Variants in RHBDD1 observed in about 807,000 individuals in gnomAD.
RHBDD1 encodes the protein rhomboid-related protein 4.
RHBDD1 carries 38 observed loss-of-function variants against 36.3 expected under a neutral mutation model. The ratio of observed to expected loss-of-function variants is 1.05; its 90% confidence interval spans 0.81 to 1.37. The LOEUF (loss-of-function observed/expected upper bound fraction) is 1.37. Among genes scored for constraint, RHBDD1 ranks in the 40% most tolerant of loss-of-function variants. The pLI, the probability that RHBDD1 is intolerant of heterozygous loss-of-function variation, is 0.00. For missense variants in RHBDD1, 393 were observed against 377.6 expected, an observed-to-expected ratio of 1.04 and a Z score of -0.34; for synonymous variants, 151 against 136.5, an observed-to-expected ratio of 1.11 and a Z score of -0.74.
rs959353490 is a variant in RHBDD1, at chr2:226,872,835, T to G, written c.566+5517T>G. On this transcript the variant is annotated intron_variant, in intron 5 of 8. Transcript: ENST00000392062. ...GATGTGATTTGCATATAATTTTGTT[T>G]GAGAATTATAAACACAGGAATTCTG... Among the ~76,000 whole-genome samples, 5 of 152,352 alleles carry G rather than the reference T, an allele frequency of 3.3e-5. 1 individual carries two copies. The highest frequency in any genetic ancestry group is 1.2e-4 in the African/African-American group (5 of 41,590).
At chr2:226,861,905 A>G (rs1310519339) in intron 3 of RHBDD1, among the ~76,000 whole-genome samples, 3 of 152,242 alleles carry the variant, frequency 2.0e-5, no homozygotes, top group South Asian at 2.1e-4. Flanking sequence ...GTTCATAAGA[A>G]TGCTACAGAG....
chr2:226,980,070 G>A (rs1357232202), intron 8 of RHBDD1, among the ~76,000 whole-genome samples: 1 of 152,146 alleles, frequency 6.6e-6, no homozygotes, highest in Non-Finnish European at 1.5e-5. Context: ...TTCTGAGAAG[G>A]GCAGCCTGGA....
At chr2:226,801,042 A>C in the RHBDD1 span, among the ~76,000 whole-genome samples, 4 of 152,158 alleles carry the variant, frequency 2.6e-5, no homozygotes, top group Non-Finnish European at 5.9e-5. Context: ...ACCCACAGAG[A>C]TGTCACTCGG....
At chr2:226,921,918 T>G (rs544719517) in intron 8 of RHBDD1, among the ~76,000 whole-genome samples, 2 of 152,304 alleles carry the variant, frequency 1.3e-5, no homozygotes, top group East Asian at 3.9e-4. Flanking sequence ...ACTTTTCCAT[T>G]GCTAAAACTG....
At chr2:226,832,984 A>G (rs972886213), upstream of RHBDD1, among the ~76,000 whole-genome samples, 2 of 152,160 alleles carry the variant, frequency 1.3e-5, no homozygotes, top group Non-Finnish European at 2.9e-5. Context: ...GCACTTCAAA[A>G]AAAAGAAAAA....
intron 8 of RHBDD1, among the ~76,000 whole-genome samples, chr2:226,949,031 G>T (rs894821359): frequency 2.0e-5 from 3 of 152,116 alleles, no homozygotes; most frequent in African/African-American, 7.2e-5. Flanking sequence ...ATTCACAATT[G>T]CTACAAAGAG....
intron 5 of RHBDD1, among the ~76,000 whole-genome samples, chr2:226,878,187 G>C (rs73085815): frequency 6.6e-6 from 1 of 152,084 alleles, no homozygotes; most frequent in Non-Finnish European, 1.5e-5. Context: ...AGCTTCCAAG[G>C]GAGCTTCATG....
In RHBDD1 at chr2:226,998,517, T is replaced by A. The variant is rs1005569781; in HGVS notation, c.*2995T>A. 1.3e-5 allele frequency: 2 copies of A among 152,162 alleles called. No individual in the cohort carries two copies. Among genetic ancestry groups the A allele is most frequent in the Non-Finnish European group, 2.9e-5 (2 of 68,018 alleles). The allele number at this position is 152,162 out of a possible 1,614,324, so 9.4% of individuals were successfully genotyped here. Reference sequence around the variant, plus strand: ...GAATAGCATTCAATTAGTCAAAAAATATATATATAACTTCTTCCTTTCCCT... The same window carrying A: ...GAATAGCATTCAATTAGTCAAAAAAAATATATATAACTTCTTCCTTTCCCT... On this transcript the variant is annotated 3_prime_UTR_variant, in exon 9 of 9. Transcript: ENST00000392062.
At chr2:226,898,750 G>A (rs1947338835) in intron 5 of RHBDD1, among the ~76,000 whole-genome samples, 2 of 152,260 alleles carry the variant, frequency 1.3e-5, no homozygotes, top group Admixed American at 1.3e-4. Context: ...CTAGTACTGC[G>A]AATCTGGGAC....
At chr2:226,957,996 G>A (rs1218172110) in intron 8 of RHBDD1, among the ~76,000 whole-genome samples, 2 of 152,146 alleles carry the variant, frequency 1.3e-5, no homozygotes, top group African/African-American at 4.8e-5. Context: ...CAGTTCCTCA[G>A]AAGGTTAAAC....
intron 5 of RHBDD1, 65 bp downstream of exon 5, chr2:226,867,383 A>G: frequency 1.3e-6 from 2 of 1,518,682 alleles, no homozygotes; most frequent in East Asian, 4.6e-5. Flanking sequence ...AAAAATTGCA[A>G]TAATAATGAG....
At chr2:226,989,418 A>G (rs1957689921) in intron 8 of RHBDD1, among the ~76,000 whole-genome samples, 1 of 152,222 alleles carries the variant, frequency 6.6e-6, no homozygotes, top group African/African-American at 2.4e-5. Flanking sequence ...GTGGTGGCTT[A>G]TAAGTGCAGG....
intron 5 of RHBDD1, among the ~76,000 whole-genome samples, chr2:226,904,614 T>C (rs1029506138): frequency 2.0e-5 from 3 of 152,206 alleles, no homozygotes; most frequent in Non-Finnish European, 4.4e-5. Context: ...AGTCAGCTAA[T>C]GGGAACAAGC....
intron 5 of RHBDD1, among the ~76,000 whole-genome samples, chr2:226,892,849 A>T (rs1438182320): frequency 6.6e-6 from 1 of 152,194 alleles, no homozygotes; most frequent in African/African-American, 2.4e-5. Context: ...TAAACAGAAA[A>T]AAAAACCAAT....
intron 8 of RHBDD1, among the ~76,000 whole-genome samples, chr2:226,924,516 G>A (rs556365381): frequency 1.3e-4 from 20 of 152,290 alleles, no homozygotes; most frequent in African/African-American, 4.6e-4. Context: ...TGGCTGTCCC[G>A]GCTGATGTCT....
chr2:226,855,188 A>G (rs1417537476), intron 3 of RHBDD1, among the ~76,000 whole-genome samples: 1 of 152,196 alleles, frequency 6.6e-6, no homozygotes, highest in Non-Finnish European at 1.5e-5. Context: ...GGAAAAAAGG[A>G]AGGAGGAGCT....
intron 4 of RHBDD1, among the ~76,000 whole-genome samples, chr2:226,866,404 T>C (rs2125247772): frequency 6.6e-6 from 1 of 152,254 alleles, no homozygotes; most frequent in South Asian, 2.1e-4. Flanking sequence ...TTGTAGTTTT[T>C]TTTCTGACCA....
At chr2:226,931,158 C>T (rs1191248036) in intron 8 of RHBDD1, among the ~76,000 whole-genome samples, 1 of 151,882 alleles carries the variant, frequency 6.6e-6, no homozygotes, top group Non-Finnish European at 1.5e-5. Context: ...AAGGAAAAGT[C>T]ATTATATCAA....
chr2:226,901,063 A>G (rs1438602819), intron 5 of RHBDD1, among the ~76,000 whole-genome samples: 4 of 152,126 alleles, frequency 2.6e-5, no homozygotes, highest in Non-Finnish European at 4.4e-5. Context: ...CCACTGTTCT[A>G]CTGTTTCTAT....
Sources: gnomAD v4.1 joint callset for allele counts (sites outside exome capture counted in the v4.1 genomes callset) on GRCh38, gnomAD v4.1.1 for gene constraint, MANE v1.5 for transcripts, NCBI Gene and HGNC (gene_info 2026-07-23, HGNC 2026-07-21) for gene names.